Variants in PXDNL observed in about 807,000 individuals in gnomAD.
PXDNL encodes the protein peroxidasin like.
Under a neutral mutation model 150.8 loss-of-function variants are expected in PXDNL, and 145 were observed. The observed-to-expected ratio is 0.96, with a 90% CI of 0.84 to 1.10. The LOEUF is 1.10. PXDNL is among the 50% of genes least tolerant of loss of function. The pLI, the probability that PXDNL is intolerant of heterozygous loss-of-function variation, is 0.00. For synonymous variants in PXDNL, 757 were observed against 725.7 expected (o/e 1.04, Z -0.69); for missense variants, 2,087 against 1,873.9 (o/e 1.11, Z -2.10).
At chr8:51,670,275 G>A (rs1815473023) in intron 1 of PXDNL, among the ~76,000 whole-genome samples, 2 of 152,064 alleles carry the variant, frequency 1.3e-5, no homozygotes, top group Non-Finnish European at 2.9e-5. Context: ...GCTTCAGTTG[G>A]AAGAATTACA....
At chr8:51,398,711 G>C (rs1265457704) in intron 17 of PXDNL, among the ~76,000 whole-genome samples, 1 of 152,176 alleles carries the variant, frequency 6.6e-6, no homozygotes, top group Non-Finnish European at 1.5e-5. Context: ...CTATGCAAAT[G>C]CAAGGCGGAA....
In PXDNL at chr8:51,610,029, A is replaced by G. The variant is rs11778486; in HGVS notation, c.237-17331T>C. 9.7e-3 allele frequency among the ~76,000 whole-genome samples: 1,459 copies of G among 150,578 alleles called. 12 individuals carry two copies. Among genetic ancestry groups the G allele is most frequent in the Admixed American group, 0.018 (268 of 15,020 alleles). On this transcript the variant is annotated intron_variant, in intron 2 of 22. Transcript: ENST00000356297. Reference sequence around the variant, plus strand: ...TTACTGGCCTTCTATTAATACAATAATCTTTCCATTTTTTTTCAACACGCA... The same window carrying G: ...TTACTGGCCTTCTATTAATACAATAGTCTTTCCATTTTTTTTCAACACGCA...
chr8:51,402,658 T>G (rs928670977), intron 17 of PXDNL, among the ~76,000 whole-genome samples: 9 of 152,190 alleles, frequency 5.9e-5, no homozygotes, highest in African/African-American at 1.9e-4. Context: ...AAAAGAGGAT[T>G]CAAAAATAGC....
At chr8:51,728,271 T>C (rs1168142864) in intron 1 of PXDNL, among the ~76,000 whole-genome samples, 1 of 152,258 alleles carries the variant, frequency 6.6e-6, no homozygotes, top group Non-Finnish European at 1.5e-5. Flanking sequence ...TAATACTTGA[T>C]AATGATAATA....
At chr8:51,646,756 AATT>A (rs1476606409) in intron 2 of PXDNL, among the ~76,000 whole-genome samples, 1 of 152,178 alleles carries the variant, frequency 6.6e-6, no homozygotes, top group Non-Finnish European at 1.5e-5. Context: ...ATGTTACAGA[AATT>A]ATTAAATGTC....
chr8:51,497,147 T>C (rs759743050), intron 5 of PXDNL, among the ~76,000 whole-genome samples: 62 of 152,134 alleles, frequency 4.1e-4, no homozygotes, highest in Non-Finnish European at 6.8e-4. Flanking sequence ...TACAACCATC[T>C]GATCTTTGAC....
At chr8:51,755,671 A>C (rs996076414) in intron 1 of PXDNL, among the ~76,000 whole-genome samples, 2 of 152,168 alleles carry the variant, frequency 1.3e-5, no homozygotes, top group African/African-American at 4.8e-5. Context: ...ATAACTCATA[A>C]ATGTTCATCT....
At chr8:51,699,146 G>C (rs911476377) in intron 1 of PXDNL, among the ~76,000 whole-genome samples, 1 of 152,174 alleles carries the variant, frequency 6.6e-6, no homozygotes, top group Non-Finnish European at 1.5e-5. Flanking sequence ...CCTAACAAGA[G>C]AGTCAATCTG....
chr8:51,780,794 G>A (rs2129249178), intron 1 of PXDNL, among the ~76,000 whole-genome samples: 1 of 151,702 alleles, frequency 6.6e-6, no homozygotes, highest in Non-Finnish European at 1.5e-5. Context: ...CGAGTAGCTG[G>A]AATTACAGGT....
intron 20 of PXDNL, chr8:51,340,029 A>G (rs1199317600): frequency 8.3e-6 from 2 of 239,546 alleles, no homozygotes; most frequent in African/African-American, 2.3e-5. Context: ...ATGTTGTATT[A>G]CATATATATT....
intron 2 of PXDNL, among the ~76,000 whole-genome samples, chr8:51,626,721 GC>G (rs1317730858): frequency 3.3e-5 from 5 of 152,138 alleles, no homozygotes; most frequent in African/African-American, 1.2e-4. Context: ...AACCAAAGAG[GC>G]AATTTCTATT....
chr8:51,719,740 G>A (rs914321444), intron 1 of PXDNL, among the ~76,000 whole-genome samples: 2 of 151,774 alleles, frequency 1.3e-5, no homozygotes, highest in Admixed American at 6.6e-5. Context: ...AGAAAGGAAC[G>A]AGGATTAATC....
chr8:51,350,403 A>G (rs961238663), intron 19 of PXDNL, among the ~76,000 whole-genome samples: 1 of 111,156 alleles, frequency 9.0e-6, no homozygotes, highest in African/African-American at 3.5e-5. Flanking sequence ...CTTGTCGCCC[A>G]GGCTAGAGTA....
intron 5 of PXDNL, among the ~76,000 whole-genome samples, chr8:51,494,237 C>T (rs374057259): frequency 6.6e-5 from 10 of 151,946 alleles, no homozygotes; most frequent in Non-Finnish European, 8.8e-5. Context: ...TGCTGAGAGA[C>T]TTTGTCACCA....
intron 1 of PXDNL, among the ~76,000 whole-genome samples, chr8:51,797,581 C>G (rs1419409545): frequency 6.6e-6 from 1 of 152,088 alleles, no homozygotes; most frequent in Non-Finnish European, 1.5e-5. Flanking sequence ...ACAATTGCTA[C>G]AAAGAGAATA....
chr8:51,517,545 G>C (rs1361103267), intron 4 of PXDNL, among the ~76,000 whole-genome samples: 4 of 152,126 alleles, frequency 2.6e-5, no homozygotes, highest in Admixed American at 2.6e-4. Context: ...TAGCTTCTTT[G>C]CCAGAGCAGT....
intron 4 of PXDNL, among the ~76,000 whole-genome samples, chr8:51,501,346 AC>A (rs529265606): frequency 0.01 from 1,585 of 151,644 alleles, 23 homozygotes; most frequent in Middle Eastern, 0.014. Flanking sequence ...ACTGACACAC[AC>A]TCTCACATTG....
chr8:51,534,832 C>T (rs1585558319), intron 4 of PXDNL, among the ~76,000 whole-genome samples: 8 of 116,458 alleles, frequency 6.9e-5, no homozygotes, highest in East Asian at 2.9e-4. Context: ...CCGCCCCGTC[C>T]GGGAGGGAGG....
Position 51,340,676 on chromosome 8 carries a change from A to G in PXDNL, c.4017-923T>C, listed in dbSNP as rs185720549. Among the ~76,000 whole-genome samples the G allele has an allele frequency of 2.6e-3, 393 of 152,326 alleles. 6 individuals are homozygous for G. Among genetic ancestry groups the G allele is most frequent in the African/African-American group, 8.8e-3 (366 of 41,562 alleles). Reference sequence around the variant, plus strand: ...AGAGTTTACATTAATCAGGGAATTTAAAAAAGGGAAACAAAGAAAAATAAC... The same window carrying G: ...AGAGTTTACATTAATCAGGGAATTTGAAAAAGGGAAACAAAGAAAAATAAC... On this transcript the variant is annotated intron_variant, in intron 20 of 22. Transcript: ENST00000356297.
Sources: gnomAD v4.1 joint callset for allele counts (sites outside exome capture counted in the v4.1 genomes callset) on GRCh38, gnomAD v4.1.1 for gene constraint, MANE v1.5 for transcripts, NCBI Gene and HGNC (gene_info 2026-07-23, HGNC 2026-07-21) for gene names.